The following CACNG2 variants were observed in gnomAD, a reference collection of about 807,000 sequenced individuals.
The protein encoded by CACNG2 is calcium voltage-gated channel auxiliary subunit gamma 2, also known as voltage-dependent calcium channel gamma-2 subunit.
In CACNG2, 3 loss-of-function variants were observed where a neutral mutation model predicts 25.9. The ratio of observed to expected loss-of-function variants is 0.12; its 90% CI spans 0.05 to 0.30. The LOEUF (loss-of-function observed/expected upper bound fraction) is 0.30, where lower values mean the gene tolerates loss of function less well. Ranked by LOEUF, CACNG2 falls within the 10% of genes least tolerant of loss-of-function variation. CACNG2 has a pLI of 1.00. For synonymous variants in CACNG2, 167 were observed against 173.3 expected, an observed-to-expected ratio of 0.96 and a Z score of 0.29; for missense variants, 341 against 432.5, an observed-to-expected ratio of 0.79 and a Z score of 1.88.
chr22:36,572,474 G>A (rs540263611), intron 2 of CACNG2, among the ~76,000 whole-genome samples: 3 of 152,318 alleles, frequency 2.0e-5, no homozygotes, highest in African/African-American at 7.2e-5. Context: ...GGCCGAGGGG[G>A]CTGGATCACT....
intron 1 of CACNG2, among the ~76,000 whole-genome samples, chr22:36,611,822 C>G (rs1935946457): frequency 6.6e-6 from 1 of 152,124 alleles, no homozygotes; most frequent in Admixed American, 6.5e-5. Flanking sequence ...CCAATTCCAG[C>G]CTGTAAAAAT....
Position 36,702,486 on chromosome 22 carries a change from C to G in CACNG2, c.91G>C (p.Asp31His). The G allele has an allele frequency of 6.2e-7, 1 of 1,614,070 alleles. No homozygotes were observed. ...ACCCCTCTGGAGTAGAGCCAATAGT[C>G]GGTTCCCACAGCTATGGTCATCAGG... The part of the protein sequence containing the change: ...FSLMTIAVGT[D>H]YWLYSRGVCK... The change falls in exon 1 of 4, where the codon GAC becomes CAC. Residue 31 changes from aspartate to histidine, a missense_variant. Transcript: ENST00000300105.
chr22:36,671,509 G>A (rs576161503), intron 1 of CACNG2, among the ~76,000 whole-genome samples: 1 of 152,300 alleles, frequency 6.6e-6, no homozygotes, highest in African/African-American at 2.4e-5. Flanking sequence ...AAGCTGAAAT[G>A]CTCCACCGCA....
At chr22:36,598,379 A>C (rs1292519164) in intron 1 of CACNG2, among the ~76,000 whole-genome samples, 2 of 152,226 alleles carry the variant, frequency 1.3e-5, no homozygotes, top group Non-Finnish European at 2.9e-5. Flanking sequence ...GCACGTTGGG[A>C]GGCCGAGGTG....
intron 1 of CACNG2, among the ~76,000 whole-genome samples, chr22:36,671,191 ACAGG>A (rs1010866036): frequency 1.3e-5 from 2 of 152,236 alleles, no homozygotes; most frequent in Admixed American, 1.3e-4. Flanking sequence ...TGCTGGGATT[ACAGG>A]CGTGAGCCAC....
At chr22:36,652,017 C>G (rs1420266975) in intron 1 of CACNG2, among the ~76,000 whole-genome samples, 1 of 152,186 alleles carries the variant, frequency 6.6e-6, no homozygotes, top group African/African-American at 2.4e-5. Flanking sequence ...TCATGTGCCA[C>G]CATGCCCGGC....
At chr22:36,667,460 C>G (rs1296423479) in intron 1 of CACNG2, among the ~76,000 whole-genome samples, 1 of 152,190 alleles carries the variant, frequency 6.6e-6, no homozygotes. Flanking sequence ...TTTCTGACCA[C>G]CCCCCACTCC....
At chr22:36,662,103 C>G (rs1007805537) in intron 1 of CACNG2, among the ~76,000 whole-genome samples, 8 of 150,330 alleles carry the variant, frequency 5.3e-5, no homozygotes, top group African/African-American at 1.9e-4. Flanking sequence ...CTCAGCCTCC[C>G]TAGTAGCTGG....
intron 2 of CACNG2, among the ~76,000 whole-genome samples, chr22:36,570,005 T>C (rs186589722): frequency 1.9e-4 from 29 of 152,152 alleles, no homozygotes; most frequent in African/African-American, 6.3e-4. Context: ...GCTCTGGCCT[T>C]CCCCCTCCAA....
intron 1 of CACNG2, among the ~76,000 whole-genome samples, chr22:36,674,911 A>G (rs1937001686): frequency 6.6e-6 from 1 of 152,254 alleles, no homozygotes; most frequent in Non-Finnish European, 1.5e-5. Context: ...GTTTGATTAT[A>G]GTTCCTGCCT....
chr22:36,698,183 C>T (rs1937365188), intron 1 of CACNG2, among the ~76,000 whole-genome samples: 1 of 152,180 alleles, frequency 6.6e-6, no homozygotes, highest in East Asian at 1.9e-4. Context: ...TCTCTCCCCA[C>T]TCTCCTCCCT....
chr22:36,683,026 C>T (rs1937146717), intron 1 of CACNG2, among the ~76,000 whole-genome samples: 2 of 152,198 alleles, frequency 1.3e-5, no homozygotes, highest in African/African-American at 4.8e-5. Context: ...AAAGGGGGCT[C>T]TTACAGCCAA....
At chr22:36,684,325 C>G (rs1250380493) in intron 1 of CACNG2, among the ~76,000 whole-genome samples, 1 of 152,118 alleles carries the variant, frequency 6.6e-6, no homozygotes, top group Non-Finnish European at 1.5e-5. Flanking sequence ...TTTAAAGATA[C>G]ATGTTTGAGG....
At chr22:36,651,429 A>G (rs1171200460) in intron 1 of CACNG2, among the ~76,000 whole-genome samples, 2 of 151,668 alleles carry the variant, frequency 1.3e-5, no homozygotes, top group African/African-American at 4.8e-5. Flanking sequence ...GGGTTTTACC[A>G]TGTTGGCCTG....
At chr22:36,614,820 G>A (rs6000351) in intron 1 of CACNG2, among the ~76,000 whole-genome samples, 15,099 of 152,246 alleles carry the variant, frequency 0.099, 804 homozygotes, top group Middle Eastern at 0.23. Context: ...CCATTTGCTC[G>A]TTACTAGCTG....
intron 2 of CACNG2, among the ~76,000 whole-genome samples, chr22:36,575,878 C>T (rs1935304302): frequency 6.6e-6 from 1 of 152,198 alleles, no homozygotes. Context: ...GGATTTGACT[C>T]ATCATTAGGA....
At chr22:36,622,824 T>C (rs1355445319) in intron 1 of CACNG2, among the ~76,000 whole-genome samples, 1 of 151,554 alleles carries the variant, frequency 6.6e-6, no homozygotes, top group Non-Finnish European at 1.5e-5. Flanking sequence ...CTTGGGGTGG[T>C]GGCGCATGCC....
chr22:36,679,647 T>C (rs1440147505), intron 1 of CACNG2, among the ~76,000 whole-genome samples: 5 of 152,176 alleles, frequency 3.3e-5, no homozygotes, highest in Non-Finnish European at 7.4e-5. Flanking sequence ...AGAGCTTTTG[T>C]AGCCTTGCTC....
chr22:36,702,260 GA>G, intron 1 of CACNG2, 105 bp downstream of exon 1: 1 of 728,186 alleles, frequency 1.4e-6, no homozygotes, highest in Non-Finnish European at 2.3e-6. Flanking sequence ...AGTGAACTAA[GA>G]AAATGGTGGA....
Sources: gnomAD v4.1 joint callset for allele counts (sites outside exome capture counted in the v4.1 genomes callset) on GRCh38, gnomAD v4.1.1 for gene constraint, MANE v1.5 for transcripts, NCBI Gene and HGNC (gene_info 2026-07-23, HGNC 2026-07-21) for gene names.